ZFP64: variants seen among roughly 807,000 people sequenced by gnomAD.
The protein encoded by ZFP64 is ZFP64 zinc finger protein.
Under a neutral mutation model 51.6 loss-of-function variants are expected in ZFP64, and 14 were observed. That is an observed-to-expected ratio of 0.27 (90% confidence interval 0.18 to 0.42). The LOEUF is 0.42. ZFP64 is among the 10% of genes least tolerant of loss of function. ZFP64 has a pLI of 1.00. For synonymous variants in ZFP64, 375 were observed against 361.4 expected (o/e 1.04, Z -0.43); for missense variants, 754 against 906.8 (o/e 0.83, Z 2.16).
At chr20:52,181,087 C>A (rs1983581807) in intron 2 of ZFP64, among the ~76,000 whole-genome samples, 1 of 152,142 alleles carries the variant, frequency 6.6e-6, no homozygotes, top group Admixed American at 6.5e-5. Context: ...GGATTACAGG[C>A]ACCTGCCACC....
intron 1 of ZFP64, among the ~76,000 whole-genome samples, chr20:52,188,096 G>A (rs1040385813): frequency 1.1e-4 from 17 of 152,080 alleles, no homozygotes; most frequent in African/African-American, 3.9e-4. Context: ...GGCTTTGGAT[G>A]CAAATGTGAT....
At chr20:52,086,276 T>C (rs1269260606) in intron 8 of ZFP64, among the ~76,000 whole-genome samples, 1 of 152,176 alleles carries the variant, frequency 6.6e-6, no homozygotes, top group Non-Finnish European at 1.5e-5. Flanking sequence ...AGGATTACAA[T>C]CACTTCCTTA....
At chr20:52,162,319 C>T (rs569758882) in intron 4 of ZFP64, among the ~76,000 whole-genome samples, 4 of 146,196 alleles carry the variant, frequency 2.7e-5, no homozygotes, top group Non-Finnish European at 6.0e-5. Context: ...AAAAAATTAG[C>T]ATTTTTATTA....
chr20:52,188,532 C>T (rs1043296132), intron 1 of ZFP64, among the ~76,000 whole-genome samples: 1 of 149,654 alleles, frequency 6.7e-6, no homozygotes, highest in African/African-American at 2.4e-5. Flanking sequence ...CCAGGATGGT[C>T]TCGATCTCCT....
At position 52,152,875 on chromosome 20, in the gene ZFP64, C is replaced by T. The variant is rs757269179; in HGVS notation, c.1317G>A (p.Ser439=). The change falls in exon 6 of 6, where the codon TCG becomes TCA. Residue 439 remains serine (S), a synonymous_variant. Coordinates refer to ENST00000216923, the MANE Select transcript of ZFP64 (RefSeq NM_018197.3). ...ICDASFMRED[S]LRSHKRQHSE... is the part of the protein sequence containing the mutation. Reference sequence around the variant, plus strand: ...TGTGCTGTCTCTTGTGGCTGCGGAGCGAGTCCTCCCGCATGAAGGAGGCAT... The same window carrying T: ...TGTGCTGTCTCTTGTGGCTGCGGAGTGAGTCCTCCCGCATGAAGGAGGCAT... 6.2e-7 allele frequency: 1 copy of T among 1,614,112 alleles called. No homozygotes were observed. The highest frequency in any genetic ancestry group is 8.5e-7 in the Non-Finnish European group (1 of 1,180,038).
At chr20:52,084,689 G>A (rs746010569) in exon 9 of ZFP64, 1 of 1,614,240 alleles carries the variant, frequency 6.2e-7, no homozygotes, top group Non-Finnish European at 8.5e-7. Context: ...TCTGATCACT[G>A]TGCTGCTTCT....
chr20:52,101,378 C>T (rs966177841), intron 5 of ZFP64, among the ~76,000 whole-genome samples: 27 of 61,112 alleles, frequency 4.4e-4, no homozygotes, highest in African/African-American at 2.2e-3. Flanking sequence ...CAGGGACTTG[C>T]GATTTTTTTT....
rs1229417071 is a variant in ZFP64, at chr20:52,176,610, C to T, written c.286+10222G>A. ...CTGCAAGCTCCGCTTCCCGGGTTCA[C>T]GCCATTCTCCTGCCTCAGCCTCCCG... is the stretch of plus-strand genomic sequence containing the variant. On this transcript the variant is annotated intron_variant, in intron 2 of 5. Coordinates refer to ENST00000216923, the MANE Select transcript of ZFP64 (RefSeq NM_018197.3). Among the ~76,000 whole-genome samples the T allele has an allele frequency of 2.6e-5, 4 of 151,404 alleles. No individual in the cohort carries two copies. In the South Asian group the frequency reaches 8.3e-4, roughly 32 times the overall value.
At chr20:52,119,801 G>A (rs1359827109) in intron 5 of ZFP64, among the ~76,000 whole-genome samples, 1 of 151,974 alleles carries the variant, frequency 6.6e-6, no homozygotes, top group African/African-American at 2.4e-5. Context: ...GAGGCAAAGA[G>A]ACGGCACTTT....
chr20:52,187,190 G>A, intron 1 of ZFP64, 119 bp from the exon 2 acceptor site: 1 of 1,063,478 alleles, frequency 9.4e-7, no homozygotes, highest in East Asian at 2.6e-5. Context: ...TAGTGGCCCA[G>A]TATCCACTCC....
At chr20:52,097,186 A>G in intron 7 of ZFP64, 1 of 809,026 alleles carries the variant, frequency 1.2e-6, no homozygotes, top group Admixed American at 1.7e-5. Flanking sequence ...TGTGTAGCTC[A>G]TCCTGGGAAT....
rs1263863609 is a variant in ZFP64, at chr20:52,085,214, C to T, written c.1281G>A (p.Ser427=). 14 of 1,614,184 alleles carry T rather than the reference C, an allele frequency of 8.7e-6. No individual in the cohort carries two copies. Among genetic ancestry groups the T allele is most frequent in the East Asian group, 2.2e-5 (1 of 44,884 alleles). Residue 427 remains serine, a synonymous_variant, in exon 9 of 9, where the codon TCG becomes TCA. Transcript: ENST00000361387. The surrounding 1 kb of genome is among the most constrained non-coding windows in gnomAD (Gnocchi z 4.3). ...GCACGATCATGTGCCTTTTCAAGTC[C>T]GAGCTGATTTTGAACTTGGCGCTAC...
rs1012731183 is a variant in ZFP64 at position 52,099,142 on chromosome 20, CAT to C, written c.764-557_764-556del. ...AACTGGCAAAATCTAAACTAAAAAA[CAT>C]ATGAGTACTTCTTAAATGGCATGAA... On this transcript the variant is annotated intron_variant, in intron 5 of 8. Coordinates refer to the ZFP64 transcript ENST00000361387. Among the ~76,000 whole-genome samples the C allele has an allele frequency of 6.3e-4, 95 of 151,670 alleles. 1 individual carries two copies. Among genetic ancestry groups the C allele is most frequent in the Middle Eastern group, 3.4e-3 (1 of 290 alleles).
intron 6 of ZFP64, chr20:52,098,366 A>C: frequency 1.5e-5 from 24 of 1,573,522 alleles, no homozygotes; most frequent in Middle Eastern, 2.2e-4. Context: ...CAGGCAGCTC[A>C]GAGATTCACG....
intron 5 of ZFP64, among the ~76,000 whole-genome samples, chr20:52,129,480 CT>C (rs35720148): frequency 6.6e-6 from 1 of 152,008 alleles, no homozygotes; most frequent in South Asian, 2.1e-4. Flanking sequence ...TTTTATTTGC[CT>C]TTTTCCTTCT....
intron 5 of ZFP64, among the ~76,000 whole-genome samples, chr20:52,119,533 A>ATATATATATATATATATAT (rs1555802531): frequency 1.3e-4 from 12 of 89,830 alleles, no homozygotes; most frequent in African/African-American, 5.2e-4. Flanking sequence ...AAAAAAAAAA[A>ATATATATATATATATATAT]ATATATATAT....
At position 52,124,805 on chromosome 20, in the gene ZFP64, T is replaced by C. The variant is rs145039214; in HGVS notation, c.764-26218A>G. 5.2e-3 allele frequency among the ~76,000 whole-genome samples: 786 copies of C among 151,932 alleles called. 3 individuals carry two copies. Among genetic ancestry groups the C allele is most frequent in the Middle Eastern group, 0.024 (7 of 292 alleles). On this transcript the variant is annotated intron_variant, in intron 5 of 8. Coordinates refer to the ZFP64 transcript ENST00000361387. ...TTTTTTTAGAGACAGGGTTTTTCCA[T>C]GTTGCCCAGGCTGGTCTTGAACTTC...
intron 5 of ZFP64, among the ~76,000 whole-genome samples, chr20:52,114,163 G>T (rs996327676): frequency 1.3e-5 from 2 of 152,112 alleles, no homozygotes; most frequent in African/African-American, 4.8e-5. Context: ...AATATTCAAG[G>T]TCACTTATGA....
rs1011974178 is a variant in ZFP64, at chr20:52,098,346, G to A, written c.913+92C>T. On this transcript the variant is annotated intron_variant, in intron 6 of 8. Coordinates refer to the ZFP64 transcript ENST00000361387. Reference sequence around the variant, plus strand: ...ACTGGCATGTTGTCAGCAAACAAGAGTAACATGAGCAGGCAGCTCAGAGAT... The same window carrying A: ...ACTGGCATGTTGTCAGCAAACAAGAATAACATGAGCAGGCAGCTCAGAGAT... 7.1e-6 allele frequency: 11 copies of A among 1,539,198 alleles called. No individual in the cohort carries two copies. The African/African-American group carries it at 1.1e-4, about 15-fold the overall frequency.
Sources: allele counts gnomAD v4.1 joint callset (sites outside exome capture counted in the v4.1 genomes callset), GRCh38; gene constraint gnomAD v4.1.1; non-coding constraint Gnocchi (gnomAD v3.1); transcripts MANE v1.5; gene names NCBI Gene and HGNC (gene_info 2026-07-23, HGNC 2026-07-21).